Variants in TRA2A observed in about 807,000 individuals in gnomAD.
The protein encoded by TRA2A is transformer-2 protein homolog alpha.
A neutral mutation model predicts 45.7 loss-of-function variants in TRA2A; 31 were observed. The observed-to-expected ratio is 0.68, with a 90% CI of 0.51 to 0.92. The LOEUF is 0.92. TRA2A is among the 40% of genes least tolerant of loss of function. The pLI, the probability that TRA2A is intolerant of heterozygous loss-of-function variation, is 0.00. For missense variants in TRA2A, 304 were observed against 367.5 expected (o/e 0.83, Z 1.41); for synonymous variants, 132 against 126.2 (o/e 1.05, Z -0.31).
chr7:23,505,532 ATG>A lies in TRA2A; in HGVS notation c.*25_*26del. The A allele has an allele frequency of 2.0e-6, 1 of 491,030 alleles. No homozygotes were observed. The highest frequency in any genetic ancestry group is 3.6e-6 in the Non-Finnish European group (1 of 274,400). 30.4% of individuals were successfully genotyped at this position (491,030 alleles called of 1,614,324 possible). Reference sequence around the variant, plus strand: ...AAAAAAAAAAAAAAGAGGAAAAAAAATGTCCTTAATTGCAACCATTCCGTTAT... The same window carrying A: ...AAAAAAAAAAAAAAGAGGAAAAAAAATCCTTAATTGCAACCATTCCGTTAT... On this transcript the variant is annotated 3_prime_UTR_variant, in exon 8 of 8. Coordinates refer to ENST00000297071, the MANE Select transcript of TRA2A (RefSeq NM_013293.5).
intron 1 of TRA2A, among the ~76,000 whole-genome samples, chr7:23,527,807 T>C (rs181000388): frequency 3.3e-5 from 5 of 152,340 alleles, no homozygotes; most frequent in African/African-American, 1.2e-4. Context: ...TGGGTATAAT[T>C]ACTTGCACTG....
intron 2 of TRA2A, among the ~76,000 whole-genome samples, chr7:23,520,446 A>C (rs911332564): frequency 3.3e-5 from 5 of 152,216 alleles, no homozygotes; most frequent in Admixed American, 6.5e-5. Context: ...CTCAAATTCT[A>C]GCCAGTGCTA....
At chr7:23,507,618 G>A in intron 4 of TRA2A, 83 bp from the exon 5 acceptor site, 1 of 971,946 alleles carries the variant, frequency 1.0e-6, no homozygotes, top group East Asian at 2.4e-5. Context: ...CAAAGTATAT[G>A]TAATCCAAAT....
intron 4 of TRA2A, among the ~76,000 whole-genome samples, chr7:23,507,848 G>GGAA (rs1789414454): frequency 6.6e-6 from 1 of 151,980 alleles, no homozygotes; most frequent in Non-Finnish European, 1.5e-5. Context: ...TAATTTTCCA[G>GGAA]TTCTGGTTCA....
intron 4 of TRA2A, among the ~76,000 whole-genome samples, chr7:23,512,087 T>C (rs1789650063): frequency 6.6e-6 from 1 of 152,232 alleles, no homozygotes; most frequent in African/African-American, 2.4e-5. Flanking sequence ...TAGCTCACTT[T>C]ACACAGCCAG....
rs893200681 is a variant in TRA2A at position 23,531,727 on chromosome 7, G to C, written c.36+62C>G. 10 of 1,597,296 alleles carry C rather than the reference G, an allele frequency of 6.3e-6. No individual in the cohort carries two copies. The African/African-American group carries it at 9.4e-5, about 15-fold the overall frequency. On this transcript the variant is annotated intron_variant, in intron 1 of 7. Coordinates refer to ENST00000297071, the MANE Select transcript of TRA2A (RefSeq NM_013293.5). ...CCCGCAACCCCGCCCGACCGCGCTT[G>C]TTCCCGTGAAACCCCGAGCATTGGG... is the stretch of plus-strand genomic sequence containing the variant.
At chr7:23,516,716 T>C (rs777596320) in intron 2 of TRA2A, among the ~76,000 whole-genome samples, 188 bp from the exon 3 acceptor site, 21 of 152,032 alleles carry the variant, frequency 1.4e-4, no homozygotes, top group Non-Finnish European at 2.9e-4. Context: ...CAAGCCCCTC[T>C]ACATTCACCC....
intron 2 of TRA2A, among the ~76,000 whole-genome samples, chr7:23,518,185 C>T (rs922151290): frequency 2.0e-5 from 3 of 152,174 alleles, no homozygotes; most frequent in Admixed American, 6.6e-5. Flanking sequence ...AATTTGCCCA[C>T]CTCGACCTCC....
rs1247627621 is a variant in TRA2A, at chr7:23,516,299, A to T, written c.336+64T>A. On this transcript the variant is annotated intron_variant, in intron 3 of 7. Transcript: ENST00000297071. ...ATGGCCAAGCTCCCCTAAAAGCAAG[A>T]TATGCCATGACTAAACACATAAAAG... is the stretch of plus-strand genomic sequence containing the variant. 9.0e-6 allele frequency: 14 copies of T among 1,560,766 alleles called. No homozygotes were observed. The East Asian group carries it at 2.5e-4, about 28-fold the overall frequency.
intron 6 of TRA2A, 146 bp downstream of exon 6, chr7:23,505,992 T>G: frequency 1.3e-6 from 1 of 786,436 alleles, no homozygotes; most frequent in South Asian, 2.0e-5. Context: ...TACTGACATA[T>G]ACAGACTGCT....
chr7:23,505,032 G>C lies in TRA2A; in HGVS notation c.*527C>G, dbSNP rs1044168467. 1.3e-5 allele frequency: 2 copies of C among 152,314 alleles called. No homozygotes were observed. The highest frequency in any genetic ancestry group is 2.9e-5 in the Non-Finnish European group (2 of 68,116). 9.4% of individuals were successfully genotyped at this position (152,314 alleles called of 1,614,324 possible). Reference sequence around the variant, plus strand: ...TTTTAACAGATGTATTTCAAATACAGCATGTTTTACAGGAGTTCACAAGCT... The same window carrying C: ...TTTTAACAGATGTATTTCAAATACACCATGTTTTACAGGAGTTCACAAGCT... On this transcript the variant is annotated 3_prime_UTR_variant, in exon 8 of 8. Transcript: ENST00000297071.
intron 2 of TRA2A, among the ~76,000 whole-genome samples, 162 bp downstream of exon 2, chr7:23,521,545 C>G (rs1269828541): frequency 6.6e-6 from 1 of 152,174 alleles, no homozygotes; most frequent in Non-Finnish European, 1.5e-5. Flanking sequence ...GCCATACTTC[C>G]AAGTCTTTGT....
intron 3 of TRA2A, among the ~76,000 whole-genome samples, chr7:23,515,732 G>C (rs1789836894): frequency 1.3e-5 from 2 of 150,972 alleles, no homozygotes; most frequent in East Asian, 4.0e-4. Flanking sequence ...TTTTAGCAGA[G>C]ATGGGGTTTC....
At chr7:23,529,270 TGG>T (rs368531664) in intron 1 of TRA2A, among the ~76,000 whole-genome samples, 6 of 152,210 alleles carry the variant, frequency 3.9e-5, no homozygotes, top group Admixed American at 6.5e-5. Context: ...ATTGCTTTTA[TGG>T]ACCTACGTAT....
Position 23,505,585 on chromosome 7 carries a change from C to CGAAA in TRA2A, c.839-17_839-16insTTTC, listed in dbSNP as rs1789289326. 1 of 214,738 alleles carries CGAAA rather than the reference C, an allele frequency of 4.7e-6. No homozygotes were observed. The highest frequency in any genetic ancestry group is 5.9e-5 in the African/African-American group (1 of 17,032). The allele number at this position is 214,738 out of a possible 1,614,324, so 13.3% of individuals were successfully genotyped here. A position where few individuals can be genotyped will look rare whatever the true frequency, so the allele number is the denominator to read the frequency against. ...CAATAGCGTCCTAAAAGAGAAAAAG[C>CGAAA]AAAAAAAAAAAAAAAAAAAAAAAGT... On this transcript the variant is annotated splice_polypyrimidine_tract_variant and intron_variant, in intron 7 of 7. Coordinates refer to ENST00000297071, the MANE Select transcript of TRA2A (RefSeq NM_013293.5).
intron 1 of TRA2A, among the ~76,000 whole-genome samples, chr7:23,526,146 G>A (rs1024719761): frequency 2.6e-5 from 4 of 152,008 alleles, no homozygotes; most frequent in Non-Finnish European, 4.4e-5. Flanking sequence ...ACAATGTTGC[G>A]GAACATGAAC....
At chr7:23,514,993 T>C (rs966193140) in intron 3 of TRA2A, among the ~76,000 whole-genome samples, 1 of 152,102 alleles carries the variant, frequency 6.6e-6, no homozygotes, top group African/African-American at 2.4e-5. Flanking sequence ...AAACCAAAAC[T>C]AAAACTCCTT....
chr7:23,518,283 G>A (rs1789977671), intron 2 of TRA2A, among the ~76,000 whole-genome samples: 1 of 151,792 alleles, frequency 6.6e-6, no homozygotes, highest in Non-Finnish European at 1.5e-5. Context: ...TCTTTAGCCT[G>A]CTGCAATCTA....
At position 23,521,696 on chromosome 7, in the gene TRA2A, AAC is replaced by A. The variant is rs1409603724; in HGVS notation, c.170+9_170+10del. On this transcript the variant is annotated intron_variant, in intron 2 of 7. Transcript: ENST00000297071. ...GAAGAATATTTTAAGTATTATCTTA[AAC>A]ACACTTACCTGGATTTTGATCTTGA... 4 of 1,613,806 alleles carry A rather than the reference AAC, an allele frequency of 2.5e-6. No homozygotes were observed. Among genetic ancestry groups the A allele is most frequent in the Non-Finnish European group, 3.4e-6 (4 of 1,179,896 alleles).
Sources: allele counts gnomAD v4.1 joint callset (sites outside exome capture counted in the v4.1 genomes callset), GRCh38; gene constraint gnomAD v4.1.1; transcripts MANE v1.5; gene names NCBI Gene and HGNC (gene_info 2026-07-23, HGNC 2026-07-21).